Variants in NCOR2 observed in about 807,000 individuals in gnomAD.
NCOR2 encodes the protein nuclear receptor corepressor 2.
A neutral mutation model predicts 262.9 loss-of-function variants in NCOR2; 81 were observed. The ratio of observed to expected loss-of-function variants is 0.31; its 90% CI spans 0.26 to 0.37. The LOEUF (loss-of-function observed/expected upper bound fraction) is 0.37, where lower values mean the gene tolerates loss of function less well. NCOR2 is among the 10% of genes least tolerant of loss of function. The pLI, the probability that NCOR2 is intolerant of heterozygous loss-of-function variation, is 1.00. For synonymous variants in NCOR2, 1,659 were observed against 1,559.3 expected, an observed-to-expected ratio of 1.06 and a Z score of -1.51; for missense variants, 3,385 against 3,621.4, an observed-to-expected ratio of 0.93 and a Z score of 1.68.
intron 7 of NCOR2, among the ~76,000 whole-genome samples, chr12:124,438,764 GAGACCCAGAGAGAC>G (rs1322816559): frequency 7.7e-6 from 1 of 129,552 alleles, no homozygotes; most frequent in Non-Finnish European, 1.7e-5. Flanking sequence ...GAGAGAGACA[GAGACCCAGAGAGAC>G]AGAGAGAGAG....
intron 1 of NCOR2, among the ~76,000 whole-genome samples, chr12:124,524,343 G>C (rs921013229): frequency 6.6e-6 from 1 of 152,210 alleles, no homozygotes; most frequent in African/African-American, 2.4e-5. Flanking sequence ...CTGTGTCTGA[G>C]TTTGGGACAT....
At chr12:124,497,371 G>A (rs1490916397), upstream of NCOR2, among the ~76,000 whole-genome samples, 9 of 152,194 alleles carry the variant, frequency 5.9e-5, no homozygotes, top group East Asian at 5.8e-4. This position sits in a 1 kb window ranked among gnomAD's most constrained non-coding sequence, Gnocchi z 4.2. Flanking sequence ...GCTAAGCTGC[G>A]TGGCCTTGGG....
chr12:124,346,321 C>T (rs748944606), intron 31 of NCOR2, among the ~76,000 whole-genome samples: 20 of 152,204 alleles, frequency 1.3e-4, no homozygotes, highest in Non-Finnish European at 2.2e-4. Context: ...CTCTGGGACT[C>T]AGTTTCCCTC....
At chr12:124,366,800 G>A (rs1162527249) in intron 20 of NCOR2, among the ~76,000 whole-genome samples, 1 of 152,134 alleles carries the variant, frequency 6.6e-6, no homozygotes, top group Non-Finnish European at 1.5e-5. Flanking sequence ...TTGCAGGTGT[G>A]TGCCACTGTG....
At chr12:124,343,180 C>A in exon 33 of NCOR2, 13 of 1,608,976 alleles carry the variant, frequency 8.1e-6, no homozygotes, top group Non-Finnish European at 1.1e-5. Flanking sequence ...CACGAGGCGT[C>A]GACGTCAGCT....
intron 20 of NCOR2, among the ~76,000 whole-genome samples, 200 bp downstream of exon 22, chr12:124,371,822 G>A (rs1023976789): frequency 2.0e-5 from 3 of 152,122 alleles, no homozygotes; most frequent in Non-Finnish European, 4.4e-5. Flanking sequence ...CTCCTGGGGA[G>A]GTCCTCCCGG....
At chr12:124,339,764 C>T (rs1782556525) in intron 37 of NCOR2, among the ~76,000 whole-genome samples, 2 of 134,986 alleles carry the variant, frequency 1.5e-5, no homozygotes, top group African/African-American at 2.7e-5. Context: ...AACCCGACCA[C>T]CCCCCCATCC....
intron 34 of NCOR2, among the ~76,000 whole-genome samples, 157 bp from the exon 37 acceptor site, chr12:124,340,908 G>A (rs1423183117): frequency 1.3e-5 from 2 of 152,144 alleles, no homozygotes; most frequent in Non-Finnish European, 1.5e-5. Flanking sequence ...ACCAGCCATG[G>A]AACCCTTTTC....
intron 37 of NCOR2, among the ~76,000 whole-genome samples, chr12:124,339,301 A>G (rs2036197090): frequency 1.7e-5 from 2 of 116,414 alleles, no homozygotes; most frequent in Admixed American, 9.0e-5. Context: ...CCACCTGCCC[A>G]TCCATCCATC....
intron 18 of NCOR2, among the ~76,000 whole-genome samples, chr12:124,376,440 C>T (rs1439491620): frequency 1.3e-5 from 2 of 152,242 alleles, no homozygotes; most frequent in African/African-American, 4.8e-5. Context: ...ACAGAGGGGA[C>T]TGGGTTTCTG....
chr12:124,509,240 G>GGT lies in NCOR2; in HGVS notation c.-117-13873_-117-13872insAC, dbSNP rs58086752. Among the ~76,000 whole-genome samples the GGT allele has an allele frequency of 1.2e-4, 17 of 138,584 alleles. No individual in the cohort carries two copies. In the East Asian group the frequency reaches 3.0e-3, roughly 25 times the overall value. 90.9% of individuals were successfully genotyped at this position (138,584 alleles called of 152,430 possible). ...CAAAGTGGCACTGGCTTTGGTGGGG[G>GGT]GGGGGGGGGCTTAACTCTGAACTCT... On this transcript the variant is annotated intron_variant, in intron 1 of 46. Transcript: ENST00000404621.
intron 1 of NCOR2, chr12:124,513,205 G>C (rs2049513392): frequency 6.6e-6 from 1 of 152,248 alleles, no homozygotes; most frequent in South Asian, 2.1e-4. Flanking sequence ...TATTAGCCTG[G>C]GAAGGAGGCT....
intron 1 of NCOR2, among the ~76,000 whole-genome samples, chr12:124,552,692 G>A (rs1416932173): frequency 6.6e-6 from 1 of 152,110 alleles, no homozygotes; most frequent in Non-Finnish European, 1.5e-5. Flanking sequence ...GGGTTAGGAG[G>A]TTTTTTGGTT....
In NCOR2 at chr12:124,483,704, C is replaced by T; in HGVS notation, c.303G>A (p.Glu101=). Residue 101 remains glutamate (E), a synonymous_variant, in exon 3 of 47, where the codon GAG becomes GAA. Coordinates refer to ENST00000405201, the Ensembl canonical transcript of NCOR2. The surrounding 1 kb of genome is among the most constrained non-coding windows in gnomAD (Gnocchi z 6.3). ...GCCGAGGGCGCTTGCTTTCAATGAACTCCATCTCTGACTTCCCCAGCTCGG... is the reference window on the plus strand; with the variant it reads ...GCCGAGGGCGCTTGCTTTCAATGAATTCCATCTCTGACTTCCCCAGCTCGG... The T allele has an allele frequency of 2.5e-6, 4 of 1,612,034 alleles. No individual in the cohort carries two copies. The highest frequency in any genetic ancestry group is 3.4e-6 in the Non-Finnish European group (4 of 1,179,152).
At chr12:124,390,667 G>C (rs2041240095) in intron 16 of NCOR2, among the ~76,000 whole-genome samples, 1 of 152,174 alleles carries the variant, frequency 6.6e-6, no homozygotes, top group Admixed American at 6.5e-5. Context: ...TGTGCGTTTA[G>C]CTCTGCAGGG....
chr12:124,341,866 G>C (rs1198188465), exon 34 of NCOR2: 5 of 1,610,980 alleles, frequency 3.1e-6, no homozygotes, highest in South Asian at 1.1e-5. Context: ...AGGACTCGCG[G>C]GGCGAGAGGC....
At chr12:124,367,578 C>T (rs1378372893) in intron 20 of NCOR2, among the ~76,000 whole-genome samples, 1 of 152,164 alleles carries the variant, frequency 6.6e-6, no homozygotes, top group Non-Finnish European at 1.5e-5. Context: ...CCTCCAGAAG[C>T]CCTCCTGGCT....
In NCOR2 at chr12:124,356,641, C is replaced by A. The variant is rs757525413; in HGVS notation, c.3241+1G>T. 2.1e-6 allele frequency: 3 copies of A among 1,432,542 alleles called. No individual in the cohort carries two copies. Among genetic ancestry groups the A allele is most frequent in the Non-Finnish European group, 2.7e-6 (3 of 1,093,218 alleles). The allele number at this position is 1,432,542 out of a possible 1,614,324, so 88.7% of individuals were successfully genotyped here. Reference sequence around the variant, plus strand: ...GCCCAAGCTCGGGCGGAGCTACTTACCAGGTGGAGCGTAGGAGAAGGCTGA... The same window carrying A: ...GCCCAAGCTCGGGCGGAGCTACTTAACAGGTGGAGCGTAGGAGAAGGCTGA... On this transcript the variant is annotated splice_donor_variant, in intron 23 of 46. Coordinates refer to ENST00000405201, the Ensembl canonical transcript of NCOR2. LOFTEE classifies it high-confidence loss of function.
chr12:124,362,001 G>A lies in NCOR2; in HGVS notation c.3100+125C>T, dbSNP rs115225742. The A allele has an allele frequency of 2.9e-3, 2,554 of 894,838 alleles. 50 individuals carry two copies. In the African/African-American group the frequency reaches 0.04, roughly 14 times the overall value. The allele number at this position is 894,838 out of a possible 1,614,324, so 55.4% of individuals were successfully genotyped here. ...CTCCCCCTGCTCAACTGTTCCATTC[G>A]TTTACTTTGCTTTCCCTGCCACTGT... On this transcript the variant is annotated intron_variant, in intron 22 of 46. Coordinates refer to ENST00000405201, the Ensembl canonical transcript of NCOR2.
Sources: allele counts gnomAD v4.1 joint callset (sites outside exome capture counted in the v4.1 genomes callset), GRCh38; gene constraint gnomAD v4.1.1; non-coding constraint Gnocchi (gnomAD v3.1); transcripts MANE v1.5; gene names NCBI Gene and HGNC (gene_info 2026-07-23, HGNC 2026-07-21).